The following INTS4 variants were observed in gnomAD, a reference collection of about 807,000 sequenced individuals.
The protein encoded by INTS4 is MSTP093.
In INTS4, 70 loss-of-function variants were observed where a neutral mutation model predicts 119.5. That is an observed-to-expected ratio of 0.59 (90% CI 0.48 to 0.71). INTS4 has a LOEUF of 0.71. Among genes scored for constraint, INTS4 ranks in the 30% least tolerant of loss-of-function variants. INTS4 has a pLI of 0.00. For synonymous variants in INTS4, 316 were observed against 419.6 expected, an observed-to-expected ratio of 0.75 and a Z score of 3.02; for missense variants, 867 against 1,173.2, an observed-to-expected ratio of 0.74 and a Z score of 3.81.
chr11:77,952,175 A>T (rs778802333), intron 8 of INTS4, among the ~76,000 whole-genome samples: 4 of 152,212 alleles, frequency 2.6e-5, no homozygotes, highest in Non-Finnish European at 5.9e-5. Context: ...GGAGAGCTGG[A>T]GTAGAGCAGC....
Position 77,891,788 on chromosome 11 carries a change from G to A in INTS4, c.2341C>T (p.Leu781Phe). Residue 781 changes from leucine (L) to phenylalanine (F), a missense_variant, in exon 20 of 23, where the codon CTT (leucine) becomes TTT (phenylalanine). Physicochemically the swap from Leu to Phe is conservative, Grantham distance 22. Around this residue, in one of 5 missense-constraint regions of INTS4, gnomAD observed 262 missense variants for 376.0 expected, o/e 0.70. Coordinates refer to ENST00000534064, the MANE Select transcript of INTS4 (RefSeq NM_033547.4). ...GTCATGAGTCGGGGCATAAGGTCAAGGAGTTTGTCCACAAAGCTGTCCTGC... is the reference window on the plus strand; with the variant it reads ...GTCATGAGTCGGGGCATAAGGTCAAAGAGTTTGTCCACAAAGCTGTCCTGC... ...HLQDSFVDKL[L>F]DLMPRLMTSK... The A allele has an allele frequency of 6.2e-7, 1 of 1,612,008 alleles. No homozygotes were observed. Among genetic ancestry groups the A allele is most frequent in the Non-Finnish European group, 8.5e-7 (1 of 1,179,852 alleles).
intron 4 of INTS4, among the ~76,000 whole-genome samples, chr11:77,975,197 C>T (rs1197262402): frequency 6.6e-6 from 1 of 151,826 alleles, no homozygotes; most frequent in East Asian, 1.9e-4. Context: ...GATTTTAGAT[C>T]CTTATTCTTG....
chr11:77,963,365 A>AC lies in INTS4; in HGVS notation c.472-2228_472-2227insG, dbSNP rs1444000463. 1.3e-3 allele frequency: 494 copies of AC among 393,280 alleles called. 1 individual carries two copies. Among genetic ancestry groups the AC allele is most frequent in the Middle Eastern group, 6.3e-3 (9 of 1,438 alleles). The allele number at this position is 393,280 out of a possible 1,614,324, so 24.4% of individuals were successfully genotyped here. Reference sequence around the variant, plus strand: ...GAGACTCCGTCTCAAAAAAAAAAAAAAAAAAAAAACAAAAAAAACTGCTTT... The same window carrying AC: ...GAGACTCCGTCTCAAAAAAAAAAAAACAAAAAAAAACAAAAAAAACTGCTTT... On this transcript the variant is annotated intron_variant, in intron 4 of 22. Transcript: ENST00000534064.
At chr11:77,926,783 C>T (rs112388811) in intron 11 of INTS4, among the ~76,000 whole-genome samples, 1 of 143,344 alleles carries the variant, frequency 7.0e-6, no homozygotes, top group African/African-American at 2.6e-5. Flanking sequence ...CCGCACTCCA[C>T]CCTGGGGAAC....
intron 12 of INTS4, 32 bp downstream of exon 12, chr11:77,924,718 C>T (rs757255276): frequency 1.1e-5 from 17 of 1,581,832 alleles, no homozygotes; most frequent in Non-Finnish European, 1.4e-5. Flanking sequence ...CATTATGGGA[C>T]TCAGTGAGTA....
At chr11:77,937,031 C>T (rs959258960) in intron 10 of INTS4, among the ~76,000 whole-genome samples, 6 of 151,946 alleles carry the variant, frequency 3.9e-5, no homozygotes, top group South Asian at 2.1e-4. Flanking sequence ...AGAAATTAGC[C>T]GAGAGTGGTC....
intron 11 of INTS4, 55 bp from the exon 12 acceptor site, chr11:77,924,947 C>T: frequency 7.2e-7 from 1 of 1,391,568 alleles, no homozygotes; most frequent in Non-Finnish European, 1.0e-6. Flanking sequence ...CAGACTCAGC[C>T]TCTATCTACC....
Position 77,922,468 on chromosome 11 carries a change from G to T in INTS4, c.1518C>A (p.Cys506Ter). Residue 506 changes from cysteine (C) to a stop codon, truncating the protein, a stop_gained, in exon 13 of 23, where the codon TGC becomes TGA. Coordinates refer to ENST00000534064, the MANE Select transcript of INTS4 (RefSeq NM_033547.4). LOFTEE classifies it high-confidence loss of function. ...GATGCCGACTTCCCAGAAACTTCAA[G>T]CACCTGAAACAAACAAATAAGAATG... ...YPTDRDSIWK[C>*]LKFLGSRHPT... The T allele has an allele frequency of 1.4e-6, 2 of 1,402,822 alleles. No individual in the cohort carries two copies. The highest frequency in any genetic ancestry group is 1.5e-5 in the African/African-American group (1 of 68,872). The allele number at this position is 1,402,822 out of a possible 1,614,324, so 86.9% of individuals were successfully genotyped here.
intron 2 of INTS4, among the ~76,000 whole-genome samples, chr11:77,983,211 T>C (rs1001129314): frequency 6.6e-6 from 1 of 152,188 alleles, no homozygotes; most frequent in Non-Finnish European, 1.5e-5. Context: ...AGCAGTCAAA[T>C]AACAGTTCCT....
chr11:77,907,843 G>A, intron 15 of INTS4, 33 bp from the exon 16 acceptor site: 1 of 1,348,656 alleles, frequency 7.4e-7, no homozygotes, highest in African/African-American at 1.4e-5. Flanking sequence ...GGCAAACACA[G>A]GATAAGGATA....
At chr11:77,937,716 C>A (rs1953830603) in intron 10 of INTS4, among the ~76,000 whole-genome samples, 1 of 152,066 alleles carries the variant, frequency 6.6e-6, no homozygotes, top group Non-Finnish European at 1.5e-5. Context: ...TACACTCTAG[C>A]CTGGGTGTCA....
In INTS4 at chr11:77,978,999, G is replaced by A. The variant is rs1856073853; in HGVS notation, c.468C>T (p.Cys156=). The change falls in exon 4 of 23, where the codon TGC becomes TGT. Residue 156 remains cysteine (C), a synonymous_variant. Transcript: ENST00000534064. The part of the protein sequence containing the change: ...AIQMRLVDVA[C]KHLTDTSHGV... ...TGAATAGATTTTATACTCTTACCTTGCAGGCCACATCAACTAATCGCATTT... is the reference window on the plus strand; with the variant it reads ...TGAATAGATTTTATACTCTTACCTTACAGGCCACATCAACTAATCGCATTT... 3 of 1,592,242 alleles carry A rather than the reference G, an allele frequency of 1.9e-6. No homozygotes were observed. Among genetic ancestry groups the A allele is most frequent in the Non-Finnish European group, 2.6e-6 (3 of 1,160,542 alleles).
intron 15 of INTS4, chr11:77,911,057 C>A (rs1164599946): frequency 7.8e-7 from 1 of 1,288,812 alleles, no homozygotes; most frequent in Admixed American, 2.3e-5. Flanking sequence ...AAACCGTCCA[C>A]TGGACTATGA....
At chr11:77,883,690 TGC>T in intron 22 of INTS4, 140 bp downstream of exon 22, 9 of 840,342 alleles carry the variant, frequency 1.1e-5, no homozygotes, top group Non-Finnish European at 1.4e-5. Flanking sequence ...ACTTAATGAG[TGC>T]TTATAAACTC....
intron 2 of INTS4, among the ~76,000 whole-genome samples, chr11:77,990,686 CAAAAAAAAAA>C (rs781257703): frequency 1.0e-5 from 1 of 98,486 alleles, no homozygotes; most frequent in Admixed American, 1.2e-4. Context: ...ACTCTGTCTC[CAAAAAAAAAA>C]AAAAAAAAAT....
Position 77,955,943 on chromosome 11 carries a change from A to C in INTS4, c.917T>G (p.Leu306Trp), listed in dbSNP as rs1954310316. Reference protein sequence around the residue: ...WVVRVQAAKLLGSMEQVSSHF... With the variant: ...WVVRVQAAKLWGSMEQVSSHF... ...ACATACATAAAAAGTATAACTTACCAACAGTTTTGCTGCCTGAACACGAAC... is the reference window on the plus strand; with the variant it reads ...ACATACATAAAAAGTATAACTTACCCACAGTTTTGCTGCCTGAACACGAAC... The change falls in exon 8 of 23, where the codon TTG becomes TGG. Residue 306 changes from leucine to tryptophan, a missense_variant and splice_region_variant. By Grantham distance (61) the Leu-to-Trp change is moderately conservative. Transcript: ENST00000534064. 1.2e-6 allele frequency: 2 copies of C among 1,606,706 alleles called. No homozygotes were observed. Among genetic ancestry groups the C allele is most frequent in the Non-Finnish European group, 1.7e-6 (2 of 1,176,774 alleles).
intron 4 of INTS4, among the ~76,000 whole-genome samples, chr11:77,973,793 C>A (rs1331958092): frequency 6.6e-6 from 1 of 151,976 alleles, no homozygotes; most frequent in African/African-American, 2.4e-5. Flanking sequence ...GGAATAAATC[C>A]CACTTGATTA....
chr11:77,971,099 C>G (rs775967949), intron 4 of INTS4, among the ~76,000 whole-genome samples: 3 of 151,974 alleles, frequency 2.0e-5, no homozygotes, highest in African/African-American at 7.3e-5. Context: ...TGAGCCACAG[C>G]ACCCAGCTCA....
At chr11:77,991,328 C>G (rs774166611) in intron 1 of INTS4, 29 bp from the exon 2 acceptor site, 22 of 1,558,464 alleles carry the variant, frequency 1.4e-5, no homozygotes, top group South Asian at 7.8e-5. Context: ...ATCGAAAACA[C>G]AGAATCTGCA....
Sources: allele counts gnomAD v4.1 joint callset (sites outside exome capture counted in the v4.1 genomes callset), GRCh38; gene constraint gnomAD v4.1.1; regional missense constraint gnomAD v4.1.1; transcripts MANE v1.5; gene names NCBI Gene and HGNC (gene_info 2026-07-23, HGNC 2026-07-21).